Variants in MAX observed in about 807,000 individuals in gnomAD.
MAX encodes the protein protein max.
In MAX, 3 loss-of-function variants were observed where a neutral mutation model predicts 22.3. The observed-to-expected ratio is 0.13, with a 90% confidence interval of 0.06 to 0.35. The LOEUF is 0.35. Among genes scored for constraint, MAX ranks in the 10% least tolerant of loss-of-function variants. The probability of loss-of-function intolerance (pLI) is 1.00; values close to 1 mark genes in which losing one functional copy is unlikely to be tolerated. For synonymous variants in MAX, 72 were observed against 77.7 expected (o/e 0.93, Z 0.39); for missense variants, 119 against 209.4 (o/e 0.57, Z 2.66).
At chr14:65,061,981 CCCCAGGTGTGGTGACTTAGA>C (rs1241887271) in intron 3 of MAX, 1 of 152,494 alleles carries the variant, frequency 6.6e-6, no homozygotes, top group Non-Finnish European at 1.5e-5. Context: ...CTTGCTTCAG[CCCCAGGTGTGGTGACTTAGA>C]CCTAGGAAAC....
At position 65,047,839 on chromosome 14, in the gene MAX, C is replaced by T. The variant is rs578098796; in HGVS notation, c.172-41555G>A. ...AGATACAACATGAAGTGTAAGGGGG[C>T]GGGGCCTGGAGCAGTGCCTGGGCAC... On this transcript the variant is annotated intron_variant, in intron 3 of 3. Coordinates refer to the MAX transcript ENST00000341653. The surrounding 1 kb of genome is among the most constrained non-coding windows in gnomAD (Gnocchi z 5.2). Among the ~76,000 whole-genome samples the T allele has an allele frequency of 1.3e-5, 2 of 152,192 alleles. No individual in the cohort carries two copies. Among genetic ancestry groups the T allele is most frequent in the Non-Finnish European group, 2.9e-5 (2 of 68,024 alleles).
chr14:65,077,478 T>A lies in MAX; in HGVS notation c.295+435A>T. The A allele has an allele frequency of 1.6e-6, 2 of 1,236,500 alleles. No individual in the cohort carries two copies. Among genetic ancestry groups the A allele is most frequent in the Non-Finnish European group, 2.4e-6 (2 of 835,024 alleles). 76.6% of individuals were successfully genotyped at this position (1,236,500 alleles called of 1,614,324 possible). A position where few individuals can be genotyped will look rare whatever the true frequency, so the allele number is the denominator to read the frequency against. ...GTGAGCATTGAGAACAGCATGGGCC[T>A]AGCCCATAGGCTGCCCTGATTGGAC... On this transcript the variant is annotated intron_variant, in intron 4 of 4. Coordinates refer to ENST00000358664, the MANE Select transcript of MAX (RefSeq NM_002382.5). This position sits in a 1 kb window ranked among gnomAD's most constrained non-coding sequence, Gnocchi z 6.3.
At position 65,076,676 on chromosome 14, in the gene MAX, C is replaced by G. The variant is rs765385240; in HGVS notation, c.296-13G>C. On this transcript the variant is annotated splice_polypyrimidine_tract_variant and intron_variant, in intron 4 of 4. Transcript: ENST00000358664. The surrounding 1 kb of genome is among the most constrained non-coding windows in gnomAD (Gnocchi z 6.6). ...TCCAGTGCACGGACTAAAAGGCAAC[C>G]AAGGGAGTGTGTTACTGCCTTCTGG... is the stretch of plus-strand genomic sequence containing the variant. The G allele has an allele frequency of 1.3e-5, 21 of 1,614,146 alleles. No individual in the cohort carries two copies. The highest frequency in any genetic ancestry group is 1.5e-5 in the Non-Finnish European group (18 of 1,180,010).
At chr14:65,037,439 T>TTTTTTTTTTTTTTTTTC (rs1182883037) in intron 3 of MAX, among the ~76,000 whole-genome samples, 1 of 125,984 alleles carries the variant, frequency 7.9e-6, no homozygotes, top group Admixed American at 8.3e-5. Flanking sequence ...TTTTTTTTTT[T>TTTTTTTTTTTTTTTTTC]TTTTTTTGAG....
At chr14:65,043,976 A>G (rs1412238612) in intron 3 of MAX, among the ~76,000 whole-genome samples, 1 of 151,826 alleles carries the variant, frequency 6.6e-6, no homozygotes, top group Admixed American at 6.6e-5. Flanking sequence ...AGCCATGTTT[A>G]TTAAGAGACT....
intron 3 of MAX, among the ~76,000 whole-genome samples, chr14:65,042,064 T>A (rs926548437): frequency 4.6e-5 from 7 of 152,034 alleles, no homozygotes; most frequent in Non-Finnish European, 8.8e-5. Flanking sequence ...GAGAGAACAT[T>A]TATAAACAGC....
rs767329195 is a variant in MAX, at chr14:65,011,431, GAAAAAAAAAA to G, written c.172-5157_172-5148del. On this transcript the variant is annotated intron_variant, in intron 3 of 3. Transcript: ENST00000341653. The surrounding 1 kb of genome is among the most constrained non-coding windows in gnomAD (Gnocchi z 4.0). ...GTGACAGAGCGAGACTCCGTCTCAG[GAAAAAAAAAA>G]AAAAAAAAAAAGACTGCATGAAGGC... Among the ~76,000 whole-genome samples the G allele has an allele frequency of 3.7e-5, 3 of 80,088 alleles. No homozygotes were observed. The highest frequency in any genetic ancestry group is 5.4e-5 in the Non-Finnish European group (2 of 36,962). 52.5% of individuals were successfully genotyped at this position (80,088 alleles called of 152,430 possible).
chr14:65,056,506 C>A (rs1300070594), intron 3 of MAX, among the ~76,000 whole-genome samples: 1 of 152,142 alleles, frequency 6.6e-6, no homozygotes, highest in Non-Finnish European at 1.5e-5. Context: ...CATAGTCAGA[C>A]CTTTTCCTTT....
chr14:65,061,838 A>G (rs2062870596), intron 3 of MAX: 1 of 155,272 alleles, frequency 6.4e-6, no homozygotes, highest in African/African-American at 2.4e-5. Context: ...CACCCTGGTC[A>G]TTTGTAAGGG....
intron 3 of MAX, among the ~76,000 whole-genome samples, chr14:65,026,403 C>T (rs1246072109): frequency 6.6e-6 from 1 of 152,170 alleles, no homozygotes; most frequent in African/African-American, 2.4e-5. Flanking sequence ...GGAATGGGAG[C>T]CTGTTTGAAT....
In MAX at chr14:65,037,606, G is replaced by A. The variant is rs147559456; in HGVS notation, c.172-31322C>T. 8.2e-4 allele frequency among the ~76,000 whole-genome samples: 122 copies of A among 148,684 alleles called. 2 individuals carry two copies. In the East Asian group the frequency reaches 0.02, roughly 25 times the overall value. On this transcript the variant is annotated intron_variant, in intron 3 of 3. Transcript: ENST00000341653. ...CCATCCGCTAATTTTTTAAATTTTT[G>A]TAGAGACAAAGCCTCACCACATTGC...
At chr14:65,048,219 G>A (rs191067831) in intron 3 of MAX, among the ~76,000 whole-genome samples, 1 of 151,654 alleles carries the variant, frequency 6.6e-6, no homozygotes, top group Non-Finnish European at 1.5e-5. Context: ...CTGGCCTCAA[G>A]TGATCCACCT....
At chr14:65,040,872 C>G (rs1471866271) in intron 3 of MAX, 1 of 1,614,020 alleles carries the variant, frequency 6.2e-7, no homozygotes, top group African/African-American at 1.3e-5. Flanking sequence ...CCTGGCCGCG[C>G]TGGTAATCCT....
chr14:65,063,300 C>CA, intron 3 of MAX, among the ~76,000 whole-genome samples: 1 of 152,304 alleles, frequency 6.6e-6, no homozygotes, highest in South Asian at 2.1e-4. Flanking sequence ...TAACAAAAGG[C>CA]AAAATCCTCT....
chr14:65,012,532 G>A lies in MAX; in HGVS notation c.172-6248C>T, dbSNP rs2061700380. 1.9e-5 allele frequency: 22 copies of A among 1,161,192 alleles called. No individual in the cohort carries two copies. In the South Asian group the frequency reaches 2.9e-4, roughly 15 times the overall value. 71.9% of individuals were successfully genotyped at this position (1,161,192 alleles called of 1,614,324 possible). On this transcript the variant is annotated intron_variant, in intron 3 of 3. Coordinates refer to the MAX transcript ENST00000341653. The surrounding 1 kb of genome is among the most constrained non-coding windows in gnomAD (Gnocchi z 5.0). ...CTGTGGCTCTGGCAGGAGGTAGGGT[G>A]CTGTCACAGAGCTGGGACTCAGCCC...
Position 65,084,141 on chromosome 14 carries a change from G to C in MAX, c.172-6105C>G, listed in dbSNP as rs375916467. On this transcript the variant is annotated intron_variant, in intron 3 of 4. Coordinates refer to ENST00000358664, the MANE Select transcript of MAX (RefSeq NM_002382.5). The surrounding 1 kb of genome is among the most constrained non-coding windows in gnomAD (Gnocchi z 4.3). ...CCTCAAGCAGCTTAATTAAAGCCAG[G>C]AGTAAGACATTTGTGTAAGGGGTCA... The C allele has an allele frequency of 1.2e-6, 2 of 1,611,028 alleles. No homozygotes were observed. Among genetic ancestry groups the C allele is most frequent in the African/African-American group, 1.3e-5 (1 of 74,838 alleles).
chr14:65,035,684 C>T (rs1218232972), intron 3 of MAX, among the ~76,000 whole-genome samples: 1 of 151,108 alleles, frequency 6.6e-6, no homozygotes, highest in African/African-American at 2.4e-5. Context: ...CGCGTGCCAC[C>T]ATAACCAGCT....
chr14:65,096,890 C>T (rs1454580477), intron 2 of MAX, among the ~76,000 whole-genome samples: 1 of 152,154 alleles, frequency 6.6e-6, no homozygotes. Context: ...GGCTCCCAAA[C>T]ATCTCCCCTA....
intron 3 of MAX, among the ~76,000 whole-genome samples, chr14:65,051,007 TGTGCTTACAG>T (rs1468511666): frequency 1.3e-5 from 2 of 152,250 alleles, no homozygotes; most frequent in Non-Finnish European, 2.9e-5. Flanking sequence ...CAAAGTTCAC[TGTGCTTACAG>T]GTGAGGAAAA....
Sources: gnomAD v4.1 joint callset for allele counts (sites outside exome capture counted in the v4.1 genomes callset) on GRCh38, gnomAD v4.1.1 for gene constraint, Gnocchi (gnomAD v3.1) non-coding constraint, MANE v1.5 for transcripts, NCBI Gene and HGNC (gene_info 2026-07-23, HGNC 2026-07-21) for gene names.